Variants in GKAP1 observed in about 807,000 individuals in gnomAD.
The protein encoded by GKAP1 is G kinase-anchoring protein 1.
In GKAP1, 31 loss-of-function variants were observed where a neutral mutation model predicts 56.7. The observed-to-expected ratio is 0.55, with a 90% confidence interval of 0.41 to 0.74. The LOEUF (loss-of-function observed/expected upper bound fraction) is 0.74. Ranked by LOEUF, GKAP1 falls within the 30% of genes least tolerant of loss-of-function variation. The pLI, the probability that GKAP1 is intolerant of heterozygous loss-of-function variation, is 0.00. For synonymous variants in GKAP1, 151 were observed against 138.6 expected, an observed-to-expected ratio of 1.09 and a Z score of -0.63; for missense variants, 364 against 402.3, an observed-to-expected ratio of 0.90 and a Z score of 0.82.
At position 83,795,728 on chromosome 9, in the gene GKAP1, T is replaced by G. The variant is rs570519581; in HGVS notation, c.360+3457A>C. ...ACCACATCCAGTGAATTTTTGCATT[T>G]TTTTGTAGAGATGGGGATTTGCCAT... On this transcript the variant is annotated intron_variant, in intron 4 of 12. Transcript: ENST00000376371. 3.9e-5 allele frequency among the ~76,000 whole-genome samples: 6 copies of G among 152,024 alleles called. 1 individual carries two copies. In the South Asian group the frequency reaches 1.2e-3, roughly 32 times the overall value.
chr9:83,803,217 A>G (rs1944360955), intron 3 of GKAP1, among the ~76,000 whole-genome samples: 1 of 150,270 alleles, frequency 6.7e-6, no homozygotes. Context: ...TGAAATAACC[A>G]TGTAGCTCCC....
intron 3 of GKAP1, among the ~76,000 whole-genome samples, chr9:83,800,352 T>C (rs1370612521): frequency 4.0e-5 from 6 of 150,804 alleles, no homozygotes; most frequent in Non-Finnish European, 7.4e-5. Context: ...GTTTTTTTTT[T>C]TTTTGGCAGA....
intron 2 of GKAP1, among the ~76,000 whole-genome samples, chr9:83,814,362 A>G (rs976231194): frequency 2.0e-5 from 3 of 152,210 alleles, no homozygotes; most frequent in East Asian, 1.9e-4. Flanking sequence ...AATGCCATCT[A>G]TCTCTTCCAC....
At chr9:83,755,602 C>A (rs1564191212) in intron 8 of GKAP1, among the ~76,000 whole-genome samples, 2 of 146,760 alleles carry the variant, frequency 1.4e-5, no homozygotes, top group African/African-American at 2.5e-5. Context: ...AAATTGACAT[C>A]AAAAAAAAGA....
rs750827573 is a variant in GKAP1, at chr9:83,753,306, C to T, written c.792G>A (p.Arg264=). The T allele has an allele frequency of 1.2e-5, 20 of 1,611,844 alleles. No homozygotes were observed. Among genetic ancestry groups the T allele is most frequent in the Non-Finnish European group, 1.4e-5 (17 of 1,178,516 alleles). The change falls in exon 9 of 13, where the codon AGG becomes AGA. Residue 264 remains arginine, a synonymous_variant. Coordinates refer to ENST00000376371, the MANE Select transcript of GKAP1 (RefSeq NM_025211.4). ...RIERLKLELE[R]KDAEIQKLKN... ...TCAGCTTCTGGATTTCAGCATCTTT[C>T]CTTTCAAGCTCTAACTTTAGTCTTT...
chr9:83,758,516 T>C (rs144133813), intron 8 of GKAP1, among the ~76,000 whole-genome samples: 359 of 152,294 alleles, frequency 2.4e-3, no homozygotes, highest in Non-Finnish European at 4.3e-3. Flanking sequence ...GCAGATCACT[T>C]GAGGTCAGGA....
At chr9:83,767,626 G>A (rs544672932) in intron 8 of GKAP1, among the ~76,000 whole-genome samples, 23 of 151,886 alleles carry the variant, frequency 1.5e-4, no homozygotes, top group South Asian at 8.3e-4. Context: ...TCTCCCAAAA[G>A]TGCTGGGATT....
intron 7 of GKAP1, among the ~76,000 whole-genome samples, 189 bp from the exon 8 acceptor site, chr9:83,769,159 A>C (rs1447197925): frequency 6.6e-6 from 1 of 152,224 alleles, no homozygotes; most frequent in Non-Finnish European, 1.5e-5. Flanking sequence ...CCAGAAGATA[A>C]AACAGTAGAG....
chr9:83,811,316 G>T (rs1473314009), intron 2 of GKAP1, among the ~76,000 whole-genome samples: 3 of 152,082 alleles, frequency 2.0e-5, no homozygotes, highest in African/African-American at 7.2e-5. Context: ...GTAGGTGAGT[G>T]GTCAGCCACT....
In GKAP1 at chr9:83,803,822, G is replaced by A. The variant is rs976592868; in HGVS notation, c.216+2480C>T. Among the ~76,000 whole-genome samples, 14 of 150,718 alleles carry A rather than the reference G, an allele frequency of 9.3e-5. 1 individual carries two copies. The South Asian group carries it at 1.3e-3, about 14-fold the overall frequency. On this transcript the variant is annotated intron_variant, in intron 3 of 12. Transcript: ENST00000376371. ...TAGGAAGTGAGGAGCGCCTCTTCCC[G>A]GCAGCCATCCCATCTGGGAAGTGAG... is the stretch of plus-strand genomic sequence containing the variant.
intron 3 of GKAP1, 69 bp from the exon 4 acceptor site, chr9:83,799,397 TA>T (rs567704992): frequency 9.8e-5 from 111 of 1,137,880 alleles, no homozygotes; most frequent in East Asian, 1.4e-4. Flanking sequence ...TTTTTTTAAT[TA>T]AAAAAAAACC....
At chr9:83,774,701 CCTTTTTTTTTT>C (rs1212383801) in intron 7 of GKAP1, among the ~76,000 whole-genome samples, 1 of 100,942 alleles carries the variant, frequency 9.9e-6, no homozygotes, top group African/African-American at 3.3e-5. Context: ...ACAGAAACCC[CCTTTTTTTTTT>C]TTTTTTTTTT....
At chr9:83,764,322 G>A (rs4242624) in intron 8 of GKAP1, among the ~76,000 whole-genome samples, 83,051 of 151,748 alleles carry the variant, frequency 0.55, 23,637 homozygotes, top group Admixed American at 0.69. Flanking sequence ...TTTCCTAAGG[G>A]GCTTCCACTC....
At chr9:83,807,496 A>T (rs561428392) in intron 2 of GKAP1, among the ~76,000 whole-genome samples, 1 of 152,362 alleles carries the variant, frequency 6.6e-6, no homozygotes, top group South Asian at 2.1e-4. Flanking sequence ...TGTTTCAGGT[A>T]AAAACTGAAT....
chr9:83,745,631 T>C (rs1943280550), intron 10 of GKAP1, among the ~76,000 whole-genome samples: 1 of 152,188 alleles, frequency 6.6e-6, no homozygotes, highest in Admixed American at 6.5e-5. Flanking sequence ...TACGCAATGA[T>C]ACTCTTCATT....
intron 4 of GKAP1, among the ~76,000 whole-genome samples, chr9:83,797,161 G>C (rs1944261831): frequency 6.6e-6 from 1 of 152,160 alleles, no homozygotes; most frequent in Non-Finnish European, 1.5e-5. Flanking sequence ...AGGCTTAGTT[G>C]ATGTAAATTT....
chr9:83,782,660 CTTTT>C (rs772629569), intron 6 of GKAP1, among the ~76,000 whole-genome samples: 2 of 117,444 alleles, frequency 1.7e-5, no homozygotes, highest in Non-Finnish European at 3.5e-5. Context: ...CGCGCCCAGC[CTTTT>C]TTTTTTTTTT....
rs1204635498 is a variant in GKAP1 at position 83,807,674 on chromosome 9, G to A, written c.-43-1114C>T. On this transcript the variant is annotated intron_variant, in intron 2 of 12. Coordinates refer to ENST00000376371, the MANE Select transcript of GKAP1 (RefSeq NM_025211.4). ...ACTTACTCCTTTGCTTTTCTTTATA[G>A]TTCTATTCTATGCCTTGATTCACAG... is the stretch of plus-strand genomic sequence containing the variant. Among the ~76,000 whole-genome samples the A allele has an allele frequency of 2.6e-5, 4 of 152,220 alleles. No individual in the cohort carries two copies. In the South Asian group the frequency reaches 6.2e-4, roughly 24 times the overall value.
chr9:83,798,194 C>T (rs942105866), intron 4 of GKAP1, among the ~76,000 whole-genome samples: 1 of 152,136 alleles, frequency 6.6e-6, no homozygotes, highest in African/African-American at 2.4e-5. Context: ...TAGAAACAGC[C>T]ACTCTACTAG....
Sources: allele counts gnomAD v4.1 joint callset (sites outside exome capture counted in the v4.1 genomes callset), GRCh38; gene constraint gnomAD v4.1.1; transcripts MANE v1.5; gene names NCBI Gene and HGNC (gene_info 2026-07-23, HGNC 2026-07-21).